GLB1L2: variants seen among roughly 807,000 people sequenced by gnomAD.
GLB1L2 encodes galactosidase beta 1 like 2.
In GLB1L2, 68 loss-of-function variants were observed where a neutral mutation model predicts 84.1. The observed-to-expected ratio is 0.81, with a 90% CI of 0.67 to 0.99. The LOEUF (loss-of-function observed/expected upper bound fraction) is 0.99. Ranked by LOEUF, GLB1L2 falls within the 50% of genes least tolerant of loss-of-function variation. The pLI is 0.00. For missense variants in GLB1L2, 762 were observed against 805.6 expected (o/e 0.95, Z 0.66); for synonymous variants, 290 against 318.0 (o/e 0.91, Z 0.94).
At chr11:134,361,066 C>G (rs1324768944) in intron 7 of GLB1L2, 1 of 152,024 alleles carries the variant, frequency 6.6e-6, no homozygotes, top group African/African-American at 2.4e-5. Context: ...GCAGGAGAAT[C>G]CGTGAACCCG....
At chr11:134,364,554 G>T (rs1024950257) in intron 8 of GLB1L2, 156 bp downstream of exon 8, 1 of 642,934 alleles carries the variant, frequency 1.6e-6, no homozygotes, top group East Asian at 2.6e-5. Flanking sequence ...TGCCTGCAAG[G>T]CCCGCTGCCC....
At chr11:134,347,990 G>C (rs73604952) in intron 5 of GLB1L2, among the ~76,000 whole-genome samples, 5 of 152,140 alleles carry the variant, frequency 3.3e-5, no homozygotes, top group Admixed American at 2.0e-4. Context: ...GTTAAAGTAC[G>C]TTTTGGGGGA....
chr11:134,371,397 G>T (rs1339781887), intron 13 of GLB1L2, 24 bp from the exon 14 acceptor site: 2 of 1,465,456 alleles, frequency 1.4e-6, no homozygotes, highest in South Asian at 1.1e-5. Flanking sequence ...GGTCATGGAT[G>T]TTCCTGCCTG....
chr11:134,374,810 C>A, intron 18 of GLB1L2, 92 bp downstream of exon 18: 1 of 1,190,340 alleles, frequency 8.4e-7, no homozygotes, highest in Non-Finnish European at 1.2e-6. Flanking sequence ...GGCGTGTCAG[C>A]GGGTTCTTCC....
chr11:134,365,497 C>T (rs904670945), intron 8 of GLB1L2, among the ~76,000 whole-genome samples: 13 of 152,210 alleles, frequency 8.5e-5, no homozygotes, highest in Non-Finnish European at 1.8e-4. Context: ...CCTCTCTGTG[C>T]GTCTCTCTTC....
intron 15 of GLB1L2, among the ~76,000 whole-genome samples, chr11:134,372,128 TG>T (rs959934767): frequency 9.9e-5 from 15 of 152,126 alleles, no homozygotes; most frequent in South Asian, 6.2e-4. Context: ...GATGTCTGCT[TG>T]GGGGGGCGGC....
In GLB1L2 at chr11:134,358,029, C is replaced by G. The variant is rs767200731; in HGVS notation, c.652-1031C>G. On this transcript the variant is annotated intron_variant, in intron 6 of 18. Transcript: ENST00000535456. ...CCCACCTGGGCTCATGGATTGAACT[C>G]TGCAGCTCTCCTGTGCCTGAGACCA... Among the ~76,000 whole-genome samples the G allele has an allele frequency of 2.5e-4, 38 of 152,332 alleles. No homozygotes were observed. In the Middle Eastern group the frequency reaches 0.01, roughly 41 times the overall value.
chr11:134,332,048 T>G lies in GLB1L2; in HGVS notation c.-14T>G, dbSNP rs777351946. ...GGAGTGGGAACCCGGGTCCCCGCGC[T>G]TAGAGAACACGCGATGACCACGTGG... is the stretch of plus-strand genomic sequence containing the variant. On this transcript the variant is annotated 5_prime_UTR_variant, in exon 1 of 19. Coordinates refer to ENST00000535456, the MANE Select transcript of GLB1L2 (RefSeq NM_001370461.1). 16 of 1,548,314 alleles carry G rather than the reference T, an allele frequency of 1.0e-5. No homozygotes were observed. The East Asian group carries it at 3.9e-4, about 38-fold the overall frequency.
chr11:134,355,891 A>G (rs989965492), intron 5 of GLB1L2: 2 of 403,854 alleles, frequency 5.0e-6, no homozygotes, highest in Admixed American at 6.0e-5. Flanking sequence ...CATTATCAAC[A>G]AGTTCCATTT....
chr11:134,369,375 G>A (rs950511181), intron 10 of GLB1L2, among the ~76,000 whole-genome samples: 2 of 152,118 alleles, frequency 1.3e-5, no homozygotes, highest in African/African-American at 4.8e-5. Flanking sequence ...AAAATTTTTT[G>A]TAGAGGTGGG....
rs1158814796 is a variant in GLB1L2, at chr11:134,339,668, AG to A, written c.87-3085del. ...TGGTGTGTTATAAAGACACTAGCAA[AG>A]ACAAGCTCTATCCAGGGAGGGAGTC... On this transcript the variant is annotated intron_variant, in intron 1 of 18. Coordinates refer to ENST00000535456, the MANE Select transcript of GLB1L2 (RefSeq NM_001370461.1). The surrounding 1 kb of genome is among the most constrained non-coding windows in gnomAD (Gnocchi z 5.7). Among the ~76,000 whole-genome samples the A allele has an allele frequency of 6.6e-6, 1 of 152,050 alleles. No homozygotes were observed. The highest frequency in any genetic ancestry group is 1.5e-5 in the Non-Finnish European group (1 of 68,022).
At position 134,338,891 on chromosome 11, in the gene GLB1L2, G is replaced by A. The variant is rs1193857196; in HGVS notation, c.87-3863G>A. Among the ~76,000 whole-genome samples, 2 of 152,200 alleles carry A rather than the reference G, an allele frequency of 1.3e-5. No individual in the cohort carries two copies. Among genetic ancestry groups the A allele is most frequent in the Admixed American group, 6.5e-5 (1 of 15,274 alleles). The stretch of plus-strand genomic sequence containing the variant: ...GACCATGGCCACCCTCTCCATCCAG[G>A]TGGAGGAGCGGAGCCTGACTCTGAG... On this transcript the variant is annotated intron_variant, in intron 1 of 18. Transcript: ENST00000535456. This position sits in a 1 kb window ranked among gnomAD's most constrained non-coding sequence, Gnocchi z 6.2.
At chr11:134,374,535 T>G in intron 17 of GLB1L2, 67 bp from the exon 18 acceptor site, 1 of 1,260,622 alleles carries the variant, frequency 7.9e-7, no homozygotes, top group Non-Finnish European at 1.2e-6. Flanking sequence ...GAAGCACGCA[T>G]GCATGTCTCC....
At position 134,344,463 on chromosome 11, in the gene GLB1L2, G is replaced by A. The variant is rs763934034; in HGVS notation, c.353+8G>A. 6.2e-7 allele frequency: 1 copy of A among 1,612,274 alleles called. No homozygotes were observed. Among genetic ancestry groups the A allele is most frequent in the Admixed American group, 1.7e-5 (1 of 60,008 alleles). On this transcript the variant is annotated splice_region_variant and intron_variant, in intron 3 of 18. Transcript: ENST00000535456. ...TGGGAACCTGGACCTGGAGTATGTG[G>A]TGTTGCTGCTTCTGTGAACTGGCCA...
intron 1 of GLB1L2, among the ~76,000 whole-genome samples, chr11:134,337,743 A>C (rs1340550570): frequency 2.0e-5 from 3 of 152,168 alleles, no homozygotes; most frequent in Non-Finnish European, 2.9e-5. Flanking sequence ...GGGCAGCTGA[A>C]CACACTTGCC....
At chr11:134,348,217 T>G (rs891778128) in intron 5 of GLB1L2, among the ~76,000 whole-genome samples, 5 of 152,216 alleles carry the variant, frequency 3.3e-5, no homozygotes, top group Non-Finnish European at 7.3e-5. Context: ...ATATTTGAGT[T>G]TCAGATAAGC....
intron 1 of GLB1L2, among the ~76,000 whole-genome samples, chr11:134,342,526 C>T (rs1381198326): frequency 6.6e-6 from 1 of 152,206 alleles, no homozygotes; most frequent in Non-Finnish European, 1.5e-5. Flanking sequence ...ATGCCGAGTG[C>T]TGTGCTTGCT....
intron 8 of GLB1L2, chr11:134,364,819 T>G: frequency 6.1e-6 from 1 of 162,704 alleles, no homozygotes; most frequent in Admixed American, 6.2e-5. Flanking sequence ...GAAAGCCTGG[T>G]CCACTCCAGG....
In GLB1L2 at chr11:134,353,035, T is replaced by A. The variant is rs540349726; in HGVS notation, c.559-3266T>A. Among the ~76,000 whole-genome samples the A allele has an allele frequency of 2.0e-5, 3 of 152,340 alleles. No homozygotes were observed. In the South Asian group the frequency reaches 6.2e-4, roughly 32 times the overall value. On this transcript the variant is annotated intron_variant, in intron 5 of 18. Coordinates refer to ENST00000535456, the MANE Select transcript of GLB1L2 (RefSeq NM_001370461.1). ...CCACATACTTGAATTTTTCAGGACT[T>A]TTTTGGTTATTGATTTCTAGTTTCA...
Sources: allele counts gnomAD v4.1 joint callset (sites outside exome capture counted in the v4.1 genomes callset), GRCh38; gene constraint gnomAD v4.1.1; non-coding constraint Gnocchi (gnomAD v3.1); transcripts MANE v1.5; gene names NCBI Gene and HGNC (gene_info 2026-07-23, HGNC 2026-07-21).